MLIP: variants seen among roughly 807,000 people sequenced by gnomAD.
The protein encoded by MLIP is muscular LMNA interacting protein.
Under a neutral mutation model 84.8 loss-of-function variants are expected in MLIP, and 79 were observed. The observed-to-expected ratio is 0.93, with a 90% CI of 0.78 to 1.12. MLIP has a LOEUF of 1.12. MLIP is among the 50% of genes most tolerant of loss of function. The pLI, the probability that MLIP is intolerant of heterozygous loss-of-function variation, is 0.00. For synonymous variants in MLIP, 504 were observed against 463.0 expected (o/e 1.09, Z -1.14); for missense variants, 1,257 against 1,160.6 (o/e 1.08, Z -1.21).
chr6:54,155,719 A>G (rs962319023), intron 5 of MLIP, among the ~76,000 whole-genome samples: 6 of 152,130 alleles, frequency 3.9e-5, no homozygotes, highest in African/African-American at 1.4e-4. Context: ...TTTGATTTGC[A>G]ATGCTTTTTC....
chr6:54,127,374 A>G (rs1211032989), intron 3 of MLIP, among the ~76,000 whole-genome samples: 2 of 152,126 alleles, frequency 1.3e-5, no homozygotes, highest in East Asian at 3.9e-4. Context: ...TGCCTTACAT[A>G]TAAAGGGGGT....
chr6:54,251,409 C>T (rs1455996928), intron 12 of MLIP, among the ~76,000 whole-genome samples: 2 of 123,956 alleles, frequency 1.6e-5, no homozygotes, highest in East Asian at 4.2e-4. Flanking sequence ...CTTTATTGGG[C>T]TAGGCATATC....
At chr6:54,055,844 C>A (rs1222703985) in intron 1 of MLIP, among the ~76,000 whole-genome samples, 1 of 151,940 alleles carries the variant, frequency 6.6e-6, no homozygotes, top group Non-Finnish European at 1.5e-5. Flanking sequence ...AGGAGGAGTG[C>A]CTGCTAAACT....
chr6:54,234,387 C>T (rs942831414), intron 12 of MLIP, among the ~76,000 whole-genome samples: 4 of 152,090 alleles, frequency 2.6e-5, no homozygotes, highest in Non-Finnish European at 5.9e-5. Flanking sequence ...AAAGTTAGAT[C>T]TTATTATCAC....
intron 12 of MLIP, among the ~76,000 whole-genome samples, chr6:54,233,001 T>G: frequency 6.6e-6 from 1 of 152,190 alleles, no homozygotes; most frequent in East Asian, 1.9e-4. Context: ...GTCCTAAATC[T>G]TCACCTTAAT....
chr6:54,137,891 G>A lies in MLIP; in HGVS notation c.1822G>A (p.Glu608Lys). ...INQRATFSSSEKCFHPSPALS... is the reference protein window; with the variant it reads ...INQRATFSSSKKCFHPSPALS... ...TCAAAGAGCTACGTTCTCTTCTTCA[G>A]AGAAATGTTTCCATCCTTCCCCAGC... The change falls in exon 4 of 14, where the codon GAG (glutamate) becomes AAG (lysine). Residue 608 changes from glutamate (E) to lysine (K), a missense_variant. Glu to Lys is a moderately conservative substitution (Grantham distance 56). Transcript: ENST00000502396. The A allele has an allele frequency of 2.0e-6, 3 of 1,536,086 alleles. No individual in the cohort carries two copies. In the South Asian group the frequency reaches 3.6e-5, roughly 18 times the overall value.
intron 4 of MLIP, among the ~76,000 whole-genome samples, chr6:54,148,809 A>G (rs2150521636): frequency 6.6e-6 from 1 of 152,246 alleles, no homozygotes; most frequent in East Asian, 1.9e-4. Context: ...TAAGCTCTGA[A>G]ATGGAGTGGC....
intron 10 of MLIP, among the ~76,000 whole-genome samples, chr6:54,190,771 C>T (rs1201642281): frequency 2.0e-5 from 3 of 150,762 alleles, no homozygotes; most frequent in East Asian, 1.9e-4. Context: ...AATAAGTTTC[C>T]GAGATATTAC....
At chr6:54,141,409 T>G (rs1478813680) in intron 4 of MLIP, among the ~76,000 whole-genome samples, 1 of 149,726 alleles carries the variant, frequency 6.7e-6, no homozygotes, top group Non-Finnish European at 1.5e-5. Context: ...TGGGTTCAAA[T>G]GATTCTCCTG....
At chr6:54,230,462 C>T (rs571634006) in intron 11 of MLIP, among the ~76,000 whole-genome samples, 1 of 152,246 alleles carries the variant, frequency 6.6e-6, no homozygotes, top group East Asian at 1.9e-4. Flanking sequence ...ACCTGGTACC[C>T]TTCAGGAGAC....
chr6:54,046,382 T>C (rs1765053386), intron 1 of MLIP: 1 of 151,586 alleles, frequency 6.6e-6, no homozygotes, highest in Admixed American at 6.6e-5. Context: ...AAAAGAAAAA[T>C]GTTCCCACAA....
intron 2 of MLIP, among the ~76,000 whole-genome samples, chr6:54,123,676 A>G (rs564070041): frequency 2.0e-5 from 3 of 152,236 alleles, no homozygotes; most frequent in Non-Finnish European, 4.4e-5. Context: ...TTAGCCTTAC[A>G]GAAAAGCTGC....
At position 54,202,136 on chromosome 6, in the gene MLIP, T is replaced by C. The variant is rs1412582328; in HGVS notation, c.2621T>C (p.Val874Ala). The change falls in exon 11 of 14, where the codon GTA (valine) becomes GCA (alanine). Residue 874 changes from valine to alanine, a missense_variant. Val to Ala is a moderately conservative substitution (Grantham distance 64). Transcript: ENST00000502396. ...CCTGGAGTAATTCGCCCAGTACCTGTAAAATCCAGAATATTACTGAAAAAA... is the reference window on the plus strand; with the variant it reads ...CCTGGAGTAATTCGCCCAGTACCTGCAAAATCCAGAATATTACTGAAAAAA... ...TKPGVIRPVP[V>A]KSRILLKKEE... The C allele has an allele frequency of 1.9e-6, 3 of 1,602,062 alleles. No homozygotes were observed. Among genetic ancestry groups the C allele is most frequent in the South Asian group, 2.2e-5 (2 of 89,072 alleles).
At chr6:54,027,443 T>C (rs886982378) in intron 1 of MLIP, among the ~76,000 whole-genome samples, 4 of 151,858 alleles carry the variant, frequency 2.6e-5, no homozygotes, top group Admixed American at 2.6e-4. Context: ...AATCTGTGTG[T>C]TAAATGTTAT....
chr6:54,138,545 A>G (rs1195679474), intron 4 of MLIP, among the ~76,000 whole-genome samples: 2 of 152,134 alleles, frequency 1.3e-5, no homozygotes, highest in African/African-American at 4.8e-5. Context: ...CTATGACTCC[A>G]AGGGTATTAT....
rs753759104 is a variant in MLIP, at chr6:54,230,803, G to C, written c.2808G>C (p.Gln936His). 1.2e-5 allele frequency: 20 copies of C among 1,613,862 alleles called. No individual in the cohort carries two copies. The Admixed American group carries it at 1.8e-4, about 15-fold the overall frequency. Residue 936 changes from glutamine to histidine, a missense_variant, in exon 12 of 14, where the codon CAG (glutamine) becomes CAC (histidine). Coordinates refer to ENST00000502396, the MANE Select transcript of MLIP (RefSeq NM_001281747.2). ...YPPAKSLLHPQTLSHADCLAP... is the reference protein window; with the variant it reads ...YPPAKSLLHPHTLSHADCLAP... ...CTGCTAAGTCACTGCTGCATCCACA[G>C]ACCCTCTCACATGCTGACTGTCTTG...
chr6:54,257,398 T>C (rs766436390), intron 13 of MLIP, 37 bp downstream of exon 13: 1 of 1,420,924 alleles, frequency 7.0e-7, no homozygotes, highest in Non-Finnish European at 9.8e-7. Flanking sequence ...TAATTATCCA[T>C]TTCTGTGTGA....
intron 1 of MLIP, among the ~76,000 whole-genome samples, chr6:54,047,866 A>G (rs1230954067): frequency 6.6e-6 from 1 of 152,240 alleles, no homozygotes; most frequent in African/African-American, 2.4e-5. Flanking sequence ...CCTTTTCAAT[A>G]GTCTACAGAG....
intron 1 of MLIP, among the ~76,000 whole-genome samples, chr6:54,096,429 G>C (rs1489188991): frequency 1.3e-5 from 2 of 152,202 alleles, no homozygotes; most frequent in East Asian, 3.9e-4. Flanking sequence ...TTGAGCTGTG[G>C]AAGGTGTGGT....
Sources: gnomAD v4.1 joint callset for allele counts (sites outside exome capture counted in the v4.1 genomes callset) on GRCh38, gnomAD v4.1.1 for gene constraint, MANE v1.5 for transcripts, NCBI Gene and HGNC (gene_info 2026-07-23, HGNC 2026-07-21) for gene names.